The following LRRC37A2 variants were observed in gnomAD, a reference collection of about 807,000 sequenced individuals.
The protein encoded by LRRC37A2 is leucine-rich repeat-containing protein 37A2.
LRRC37A2 carries 9 observed loss-of-function variants against 68.8 expected under a neutral mutation model. The observed-to-expected ratio is 0.13, with a 90% confidence interval of 0.08 to 0.23. The LOEUF is 0.23. Ranked by LOEUF, LRRC37A2 falls within the 10% of genes least tolerant of loss-of-function variation. The pLI, the probability that LRRC37A2 is intolerant of heterozygous loss-of-function variation, is 1.00. For missense variants in LRRC37A2, 168 were observed against 950.4 expected, an observed-to-expected ratio of 0.18 and a Z score of 10.82; for synonymous variants, 63 against 367.6, an observed-to-expected ratio of 0.17 and a Z score of 9.48.
chr17:46,748,258 C>T, the LRRC37A2 span, among the ~76,000 whole-genome samples: 1 of 151,974 alleles, frequency 6.6e-6, no homozygotes, highest in Non-Finnish European at 1.5e-5. Context: ...ATTACAGGCA[C>T]GTGTCACCAT....
At chr17:46,817,319 G>A in the LRRC37A2 span, among the ~76,000 whole-genome samples, 3 of 152,128 alleles carry the variant, frequency 2.0e-5, no homozygotes, top group Non-Finnish European at 2.9e-5. Context: ...CTTTCACCCC[G>A]GGGGCCACAG....
chr17:46,736,824 G>C, the LRRC37A2 span, among the ~76,000 whole-genome samples: 6 of 152,120 alleles, frequency 3.9e-5, no homozygotes, highest in Non-Finnish European at 1.5e-5. Context: ...GAAATATGCT[G>C]TGGGTTTTGG....
At chr17:46,755,925 G>T in the LRRC37A2 span, 3 of 1,140,902 alleles carry the variant, frequency 2.6e-6, no homozygotes, top group Non-Finnish European at 1.3e-6. Context: ...TAAGTGGAAC[G>T]TTCTCTACCT....
At chr17:46,625,424 CAG>C in the LRRC37A2 span, among the ~76,000 whole-genome samples, 1 of 42,636 alleles carries the variant, frequency 2.3e-5, no homozygotes, top group African/African-American at 1.3e-4. Context: ...CTGAGTTTCA[CAG>C]AGTTAGAAAT....
chr17:46,693,157 GTT>G, the LRRC37A2 span: 3 of 1,191,798 alleles, frequency 2.5e-6, no homozygotes, highest in Non-Finnish European at 3.4e-6. Flanking sequence ...TGATTAAACT[GTT>G]TTGCCAGTGT....
At chr17:46,719,003 G>A in the LRRC37A2 span, among the ~76,000 whole-genome samples, 1 of 152,080 alleles carries the variant, frequency 6.6e-6, no homozygotes, top group Non-Finnish European at 1.5e-5. This position sits in a 1 kb window ranked among gnomAD's most constrained non-coding sequence, Gnocchi z 4.3. Context: ...TAAAGCCTAC[G>A]CCTTCAGAAT....
chr17:46,758,279 C>T, the LRRC37A2 span, among the ~76,000 whole-genome samples: 3 of 152,222 alleles, frequency 2.0e-5, no homozygotes. Context: ...CCACAAGGCC[C>T]TGTGGGGAAG....
At chr17:46,932,289 T>C in the LRRC37A2 span, 1 of 1,502,802 alleles carries the variant, frequency 6.7e-7, no homozygotes, top group Non-Finnish European at 9.2e-7. Flanking sequence ...GTTTTGGGGG[T>C]GTCTGAAGAA....
At chr17:46,785,061 G>A in the LRRC37A2 span, among the ~76,000 whole-genome samples, 1 of 152,182 alleles carries the variant, frequency 6.6e-6, no homozygotes, top group Non-Finnish European at 1.5e-5. Flanking sequence ...ACAGGCGTGA[G>A]CCACCGTGCC....
At chr17:46,832,049 G>A in the LRRC37A2 span, among the ~76,000 whole-genome samples, 324 of 152,346 alleles carry the variant, frequency 2.1e-3, 1 homozygote, top group African/African-American at 7.5e-3. Context: ...CGTGAGGCCC[G>A]CGTGGTTTTG....
chr17:46,728,908 G>A, the LRRC37A2 span: 10 of 1,605,238 alleles, frequency 6.2e-6, no homozygotes, highest in South Asian at 2.2e-5. Context: ...GGCTCTTCTC[G>A]TTTTACTGAA....
At chr17:46,716,246 C>T in the LRRC37A2 span, among the ~76,000 whole-genome samples, 1 of 138,906 alleles carries the variant, frequency 7.2e-6, no homozygotes, top group Non-Finnish European at 1.5e-5. Context: ...CCTCCCACTA[C>T]TGTTCTTGCC....
the LRRC37A2 span, among the ~76,000 whole-genome samples, chr17:46,997,458 T>C: frequency 6.6e-6 from 1 of 152,218 alleles, no homozygotes; most frequent in Non-Finnish European, 1.5e-5. Flanking sequence ...AGGAAGTCAC[T>C]AGACATTCTG....
At chr17:46,715,050 G>T in the LRRC37A2 span, among the ~76,000 whole-genome samples, 5 of 152,362 alleles carry the variant, frequency 3.3e-5, no homozygotes, top group East Asian at 9.6e-4. Context: ...TGAGAAGCTA[G>T]TCTCTTGTTT....
chr17:46,974,748 A>AAGT, the LRRC37A2 span, among the ~76,000 whole-genome samples: 1 of 147,156 alleles, frequency 6.8e-6, no homozygotes, highest in Non-Finnish European at 1.5e-5. Flanking sequence ...AAAAAAAAAA[A>AAGT]AGGTCATCTC....
At chr17:46,543,093 G>C (rs541566445) in intron 8 of LRRC37A2, among the ~76,000 whole-genome samples, 1 of 149,920 alleles carries the variant, frequency 6.7e-6, no homozygotes, top group South Asian at 2.1e-4. Flanking sequence ...GTGAGGATCT[G>C]TCTGCTTTTT....
At chr17:46,661,382 TTA>T in the LRRC37A2 span, among the ~76,000 whole-genome samples, 3 of 68,456 alleles carry the variant, frequency 4.4e-5, no homozygotes, top group Non-Finnish European at 8.2e-5. Context: ...TTTCTTTTTA[TTA>T]TTATTATTAT....
At chr17:46,812,332 C>T in the LRRC37A2 span, among the ~76,000 whole-genome samples, 1 of 152,150 alleles carries the variant, frequency 6.6e-6, no homozygotes, top group African/African-American at 2.4e-5. Context: ...ACCTCCACCC[C>T]CCTACCCCCG....
the LRRC37A2 span, among the ~76,000 whole-genome samples, chr17:47,022,824 T>A: frequency 6.6e-6 from 1 of 152,248 alleles, no homozygotes; most frequent in Non-Finnish European, 1.5e-5. Context: ...CCCCCATTGA[T>A]GAATGTTTAG....
Sources: gnomAD v4.1 joint callset for allele counts (sites outside exome capture counted in the v4.1 genomes callset) on GRCh38, gnomAD v4.1.1 for gene constraint, Gnocchi (gnomAD v3.1) non-coding constraint, MANE v1.5 for transcripts, NCBI Gene and HGNC (gene_info 2026-07-23, HGNC 2026-07-21) for gene names.